The following PTPRA variants were observed in gnomAD, a reference collection of about 807,000 sequenced individuals.
The protein encoded by PTPRA is receptor-type tyrosine-protein phosphatase alpha.
A neutral mutation model predicts 104.8 loss-of-function variants in PTPRA; 25 were observed. The ratio of observed to expected loss-of-function variants is 0.24; its 90% CI spans 0.17 to 0.33. The LOEUF is 0.33. Among genes scored for constraint, PTPRA ranks in the 10% least tolerant of loss-of-function variants. PTPRA has a pLI of 1.00. For synonymous variants in PTPRA, 323 were observed against 368.9 expected (o/e 0.88, Z 1.43); for missense variants, 765 against 1,015.3 (o/e 0.75, Z 3.35).
At chr20:2,921,698 A>C (rs959545939) in intron 1 of PTPRA, among the ~76,000 whole-genome samples, 3 of 152,106 alleles carry the variant, frequency 2.0e-5, no homozygotes, top group Non-Finnish European at 4.4e-5. Context: ...TTGGAGGGGC[A>C]AAGGGCTTAT....
In PTPRA at chr20:3,015,847, AG is replaced by A; in HGVS notation, c.908del. On this transcript the variant is annotated splice_acceptor_variant, in intron 11 of 23. Coordinates refer to ENST00000399903, the MANE Select transcript of PTPRA (RefSeq NM_001385305.1). LOFTEE classifies it high-confidence loss of function. Reference sequence around the variant, plus strand: ...CTTTTTCTTTCCTTCCCCACACCCCAGGGCTACCAAGAAAAGAACAAATTCA... The same window carrying A: ...CTTTTTCTTTCCTTCCCCACACCCCAGGCTACCAAGAAAAGAACAAATTCA... The A allele has an allele frequency of 6.4e-7, 1 of 1,554,900 alleles. No homozygotes were observed. Among genetic ancestry groups the A allele is most frequent in the Non-Finnish European group, 8.9e-7 (1 of 1,127,204 alleles).
chr20:2,964,270 A>G lies in PTPRA; in HGVS notation c.-6-2A>G, dbSNP rs1175723247. ...CATCTAACATGACTCCCTATTTTCC[A>G]GATAAGCATGGATTCCTGGTTCATT... On this transcript the variant is annotated splice_acceptor_variant, in intron 3 of 23. Transcript: ENST00000399903. LOFTEE classifies it low-confidence loss of function (5UTR_SPLICE). 1 of 1,607,060 alleles carries G rather than the reference A, an allele frequency of 6.2e-7. No individual in the cohort carries two copies. Among genetic ancestry groups the G allele is most frequent in the Non-Finnish European group, 8.5e-7 (1 of 1,175,998 alleles).
chr20:3,022,958 A>T lies in PTPRA; in HGVS notation c.1464+134A>T. The T allele has an allele frequency of 7.2e-7, 1 of 1,392,878 alleles. No individual in the cohort carries two copies. Among genetic ancestry groups the T allele is most frequent in the Non-Finnish European group, 9.7e-7 (1 of 1,028,354 alleles). 86.3% of individuals were successfully genotyped at this position (1,392,878 alleles called of 1,614,324 possible). A position where few individuals can be genotyped will look rare whatever the true frequency, so the allele number is the denominator to read the frequency against. On this transcript the variant is annotated intron_variant, in intron 16 of 23. Coordinates refer to ENST00000399903, the MANE Select transcript of PTPRA (RefSeq NM_001385305.1). This position sits in a 1 kb window ranked among gnomAD's most constrained non-coding sequence, Gnocchi z 4.6. ...GTGTGATTGTGGGGGAAAGAAAGAT[A>T]GATCACACTGTTACCGTGTCTATGT...
chr20:2,910,090 G>C (rs1459020340), intron 1 of PTPRA, among the ~76,000 whole-genome samples: 10 of 116,454 alleles, frequency 8.6e-5, no homozygotes, highest in African/African-American at 3.4e-4. Context: ...TAGTATATAT[G>C]ATATATAACA....
chr20:2,964,911 C>T lies in PTPRA; in HGVS notation c.124C>T (p.Pro42Ser). 1 of 1,614,146 alleles carries T rather than the reference C, an allele frequency of 6.2e-7. No homozygotes were observed. Among genetic ancestry groups the T allele is most frequent in the African/African-American group, 1.3e-5 (1 of 75,056 alleles). Residue 42 changes from proline to serine, a missense_variant, in exon 5 of 24, where the codon CCA becomes TCA. Transcript: ENST00000399903. ...ATTAATTAACTCATCAACGGCAGAA[C>T]CAGTTAAAGAAGAGGCCAAAACTTC... ...TRLINSSTAE[P>S]VKEEAKTSNP...
intron 1 of PTPRA, among the ~76,000 whole-genome samples, chr20:2,877,448 G>A (rs959606979): frequency 2.0e-5 from 3 of 152,064 alleles, no homozygotes; most frequent in South Asian, 2.1e-4. Flanking sequence ...TAGTAAAGAC[G>A]GGGTTTCTCC....
At chr20:3,019,418 G>A (rs1177801193) in intron 13 of PTPRA, among the ~76,000 whole-genome samples, 1 of 149,486 alleles carries the variant, frequency 6.7e-6, no homozygotes, top group Non-Finnish European at 1.5e-5. Flanking sequence ...CCAGGCAGAG[G>A]GTCTCCTCAC....
chr20:2,878,000 A>C (rs2089830046), intron 1 of PTPRA, among the ~76,000 whole-genome samples: 1 of 151,614 alleles, frequency 6.6e-6, no homozygotes, highest in African/African-American at 2.4e-5. Context: ...AAAATACAAA[A>C]ATTAGCTGGG....
At chr20:2,895,504 T>G (rs1390025223) in intron 1 of PTPRA, among the ~76,000 whole-genome samples, 2 of 152,070 alleles carry the variant, frequency 1.3e-5, no homozygotes, top group Admixed American at 1.3e-4. Context: ...GTAGTATTGA[T>G]AACTGTATTT....
intron 1 of PTPRA, among the ~76,000 whole-genome samples, chr20:2,878,804 C>T (rs184382073): frequency 1.4e-3 from 220 of 152,290 alleles, no homozygotes; most frequent in Non-Finnish European, 2.6e-3. Flanking sequence ...GTTTAATTTA[C>T]ATTGCTTTGG....
In PTPRA at chr20:2,919,735, A is replaced by T. The variant is rs149086425; in HGVS notation, c.-128-3472A>T. Among the ~76,000 whole-genome samples the T allele has an allele frequency of 2.5e-3, 374 of 151,782 alleles. 2 individuals are homozygous for T. In the South Asian group the frequency reaches 0.027, roughly 11 times the overall value. ...TAAACAGTTAAAGAGTTAATGATTG[A>T]CTCTAGGGCTAAGGGAAAGAAAGTA... On this transcript the variant is annotated intron_variant, in intron 1 of 23. Transcript: ENST00000399903.
chr20:2,933,698 G>A (rs1395106564), intron 2 of PTPRA, among the ~76,000 whole-genome samples: 2 of 152,080 alleles, frequency 1.3e-5, no homozygotes, highest in Non-Finnish European at 2.9e-5. Flanking sequence ...CTGACCTCAA[G>A]TGATTTGCCT....
chr20:2,998,355 G>A (rs2063488457), intron 9 of PTPRA, among the ~76,000 whole-genome samples: 1 of 152,166 alleles, frequency 6.6e-6, no homozygotes, highest in South Asian at 2.1e-4. Context: ...TGTGTCACTA[G>A]TGATGGGACT....
chr20:2,943,246 T>G (rs2060996324), intron 2 of PTPRA, among the ~76,000 whole-genome samples: 1 of 121,496 alleles, frequency 8.2e-6, no homozygotes, highest in South Asian at 2.8e-4. Context: ...AGTACTGAAA[T>G]TATATTAAAT....
chr20:3,026,716 C>T lies in PTPRA; in HGVS notation c.1644C>T (p.Asp548=), dbSNP rs1188339619. The T allele has an allele frequency of 6.2e-7, 1 of 1,612,980 alleles. No homozygotes were observed. Among genetic ancestry groups the T allele is most frequent in the Non-Finnish European group, 8.5e-7 (1 of 1,179,036 alleles). The stretch of plus-strand genomic sequence containing the variant: ...TAACATCAATCAAAATCCAGAATGA[C>T]AAGATGCGGACTGGAAACCTTCCAG... ...KKLTSIKIQN[D]KMRTGNLPAN... The change falls in exon 18 of 24, where the codon GAC becomes GAT. Residue 548 remains aspartate (D), a synonymous_variant. Transcript: ENST00000399903.
intron 9 of PTPRA, 81 bp from the exon 10 acceptor site, chr20:3,004,975 A>G: frequency 8.1e-7 from 1 of 1,235,048 alleles, no homozygotes; most frequent in South Asian, 1.3e-5. Context: ...ACATGCTACC[A>G]GGTCAGGGTT....
chr20:2,936,646 T>G (rs1375847024), intron 2 of PTPRA, among the ~76,000 whole-genome samples: 3 of 151,712 alleles, frequency 2.0e-5, no homozygotes, highest in East Asian at 1.9e-4. Flanking sequence ...TTGTTTGGGG[T>G]TTTTTTGGTA....
upstream of PTPRA, among the ~76,000 whole-genome samples, chr20:2,872,248 C>T (rs1033689744): frequency 6.6e-6 from 1 of 152,218 alleles, no homozygotes; most frequent in African/African-American, 2.4e-5. The surrounding 1 kb of genome is among the most constrained non-coding windows in gnomAD (Gnocchi z 7.9). Context: ...CTGGGAGCCC[C>T]TTTTGCGCCG....
chr20:3,013,123 T>G (rs1029824071), intron 11 of PTPRA, among the ~76,000 whole-genome samples: 2 of 151,878 alleles, frequency 1.3e-5, no homozygotes, highest in African/African-American at 4.9e-5. Flanking sequence ...AGAACCTCAG[T>G]GTCTAAATAC....
Sources: allele counts gnomAD v4.1 joint callset (sites outside exome capture counted in the v4.1 genomes callset), GRCh38; gene constraint gnomAD v4.1.1; non-coding constraint Gnocchi (gnomAD v3.1); transcripts MANE v1.5; gene names NCBI Gene and HGNC (gene_info 2026-07-23, HGNC 2026-07-21).